The following RAB3C variants were observed in gnomAD, a reference collection of about 807,000 sequenced individuals.
RAB3C encodes the protein RAB3C, member RAS oncogene family, also known as ras-related protein Rab-3C.
Under a neutral mutation model 26.4 loss-of-function variants are expected in RAB3C, and 17 were observed. The observed-to-expected ratio is 0.64, with a 90% CI of 0.44 to 0.97. The LOEUF is 0.97. Ranked by LOEUF, RAB3C falls within the 50% of genes least tolerant of loss-of-function variation. RAB3C has a pLI of 0.00. For missense variants in RAB3C, 242 were observed against 281.9 expected (o/e 0.86, Z 1.01); for synonymous variants, 91 against 95.9 (o/e 0.95, Z 0.30).
chr5:58,748,559 G>A (rs545950395), intron 3 of RAB3C, among the ~76,000 whole-genome samples: 15 of 152,218 alleles, frequency 9.9e-5, no homozygotes, highest in Admixed American at 2.6e-4. Context: ...TGGCTTGCTT[G>A]TAGCTCCAAC....
intron 4 of RAB3C, among the ~76,000 whole-genome samples, chr5:58,834,914 T>C (rs766648677): frequency 1.8e-4 from 27 of 152,330 alleles, no homozygotes; most frequent in African/African-American, 6.3e-4. Context: ...CTCTCCCTTC[T>C]GGCAGCTGAA....
intron 4 of RAB3C, among the ~76,000 whole-genome samples, chr5:58,840,309 G>T (rs1743849910): frequency 6.6e-6 from 1 of 151,780 alleles, no homozygotes; most frequent in Non-Finnish European, 1.5e-5. Context: ...TCAGCTTTAA[G>T]GTTTCTGTCT....
At chr5:58,850,783 A>G (rs1371692551) in intron 4 of RAB3C, among the ~76,000 whole-genome samples, 2 of 152,196 alleles carry the variant, frequency 1.3e-5, no homozygotes, top group Non-Finnish European at 2.9e-5. Flanking sequence ...GAAGGGATGG[A>G]AAATCTAGAT....
chr5:58,842,889 T>C (rs1561149613), intron 4 of RAB3C, among the ~76,000 whole-genome samples: 1 of 151,328 alleles, frequency 6.6e-6, no homozygotes, highest in Non-Finnish European at 1.5e-5. Context: ...CAGATATTAG[T>C]ACATATTAGA....
At chr5:58,749,914 C>G (rs555504687) in intron 3 of RAB3C, among the ~76,000 whole-genome samples, 38 of 152,252 alleles carry the variant, frequency 2.5e-4, no homozygotes, top group African/African-American at 8.7e-4. Flanking sequence ...ATTCTTTAGT[C>G]TATCCAGAAT....
chr5:58,775,771 A>G (rs1742118946), intron 3 of RAB3C, among the ~76,000 whole-genome samples: 1 of 152,166 alleles, frequency 6.6e-6, no homozygotes, highest in Non-Finnish European at 1.5e-5. Context: ...CCAGTTTTCA[A>G]ATCCTCACAG....
chr5:58,830,088 C>G (rs2112066308), intron 4 of RAB3C, among the ~76,000 whole-genome samples: 1 of 152,210 alleles, frequency 6.6e-6, no homozygotes, highest in South Asian at 2.1e-4. Flanking sequence ...AGTTACTTCT[C>G]TTTTTGGAAA....
chr5:58,677,976 T>TTGTGTGTGTGTGTGTGTG (rs70973149), intron 2 of RAB3C, among the ~76,000 whole-genome samples: 2,969 of 147,826 alleles, frequency 0.02, 34 homozygotes, highest in Middle Eastern at 0.028. Flanking sequence ...CTAGATTATT[T>TTGTGTGTGTGTGTGTGTG]TGTGTGTGTG....
Position 58,635,529 on chromosome 5 carries a change from G to A in RAB3C, c.252+17659G>A, listed in dbSNP as rs370799114. Among the ~76,000 whole-genome samples the A allele has an allele frequency of 8.5e-4, 129 of 152,274 alleles. 1 individual carries two copies. The highest frequency in any genetic ancestry group is 1.2e-3 in the Non-Finnish European group (85 of 68,020). On this transcript the variant is annotated intron_variant, in intron 2 of 4. Transcript: ENST00000282878. The stretch of plus-strand genomic sequence containing the variant: ...TTCTACAGATATTTTTTAGCCAGAC[G>A]GAGAATTGTCATCCTGGGAGTCAAA...
At chr5:58,842,280 C>T (rs1255314216) in intron 4 of RAB3C, among the ~76,000 whole-genome samples, 1 of 152,168 alleles carries the variant, frequency 6.6e-6, no homozygotes, top group African/African-American at 2.4e-5. Flanking sequence ...GTGTGCTGTT[C>T]TCACCAGAAA....
At chr5:58,754,032 G>A (rs1741592830) in intron 3 of RAB3C, among the ~76,000 whole-genome samples, 1 of 152,170 alleles carries the variant, frequency 6.6e-6, no homozygotes, top group African/African-American at 2.4e-5. Flanking sequence ...GGGGTTGGAA[G>A]TCGGAGACAG....
At chr5:58,734,675 A>G (rs1262200676) in intron 3 of RAB3C, among the ~76,000 whole-genome samples, 2 of 152,208 alleles carry the variant, frequency 1.3e-5, no homozygotes, top group Non-Finnish European at 1.5e-5. Flanking sequence ...GCATCTCAAT[A>G]AATGACATCT....
intron 3 of RAB3C, among the ~76,000 whole-genome samples, chr5:58,736,936 C>CT (rs1171245342): frequency 2.0e-5 from 3 of 152,158 alleles, no homozygotes; most frequent in African/African-American, 7.2e-5. Context: ...AGGACAGCAG[C>CT]TGGAGTGAGC....
At chr5:58,688,612 C>T (rs1377465952) in intron 2 of RAB3C, among the ~76,000 whole-genome samples, 2 of 152,150 alleles carry the variant, frequency 1.3e-5, no homozygotes, top group East Asian at 3.8e-4. Flanking sequence ...ACTGTCTTCT[C>T]AGGCCATAGG....
chr5:58,780,574 T>C (rs1451754924), intron 3 of RAB3C, among the ~76,000 whole-genome samples: 1 of 152,106 alleles, frequency 6.6e-6, no homozygotes, highest in Non-Finnish European at 1.5e-5. Context: ...CCAGGGACCT[T>C]AGTACCTAAG....
At chr5:58,692,378 C>T (rs1748588694) in intron 2 of RAB3C, among the ~76,000 whole-genome samples, 1 of 151,464 alleles carries the variant, frequency 6.6e-6, no homozygotes, top group South Asian at 2.1e-4. Context: ...AATAGACTGA[C>T]CTCATATTTA....
intron 2 of RAB3C, among the ~76,000 whole-genome samples, chr5:58,636,649 A>G (rs1007102502): frequency 6.6e-6 from 1 of 152,206 alleles, no homozygotes; most frequent in African/African-American, 2.4e-5. Flanking sequence ...CTCTAATTAG[A>G]AAAGAACAAA....
chr5:58,731,120 G>A (rs1741010638), intron 3 of RAB3C, among the ~76,000 whole-genome samples: 1 of 152,186 alleles, frequency 6.6e-6, no homozygotes, highest in South Asian at 2.1e-4. Context: ...GGTGAGATTC[G>A]GGTGGAGACA....
chr5:58,688,607 C>T (rs1748495777), intron 2 of RAB3C, among the ~76,000 whole-genome samples: 1 of 152,132 alleles, frequency 6.6e-6, no homozygotes, highest in Non-Finnish European at 1.5e-5. Context: ...ATTCTACTGT[C>T]TTCTCAGGCC....
Sources: allele counts gnomAD v4.1 joint callset (sites outside exome capture counted in the v4.1 genomes callset), GRCh38; gene constraint gnomAD v4.1.1; transcripts MANE v1.5; gene names NCBI Gene and HGNC (gene_info 2026-07-23, HGNC 2026-07-21).